RIMS4: variants seen among roughly 807,000 people sequenced by gnomAD.
RIMS4 encodes the protein regulating synaptic membrane exocytosis protein 4.
RIMS4 carries 9 observed loss-of-function variants against 29.0 expected under a neutral mutation model. That is an observed-to-expected ratio of 0.31 (90% confidence interval 0.19 to 0.54). RIMS4 has a LOEUF of 0.54. RIMS4 is among the 20% of genes least tolerant of loss of function. The pLI is 0.94. For synonymous variants in RIMS4, 130 were observed against 152.9 expected (o/e 0.85, Z 1.10); for missense variants, 193 against 365.7 (o/e 0.53, Z 3.85).
chr20:44,773,450 G>A (rs2066145597), intron 1 of RIMS4, among the ~76,000 whole-genome samples: 1 of 151,848 alleles, frequency 6.6e-6, no homozygotes, highest in African/African-American at 2.4e-5. Flanking sequence ...CACACACACA[G>A]CACTGTACAT....
At chr20:44,796,004 C>T (rs1048054921) in intron 1 of RIMS4, among the ~76,000 whole-genome samples, 3 of 152,088 alleles carry the variant, frequency 2.0e-5, no homozygotes, top group Non-Finnish European at 2.9e-5. Context: ...GGAGCGGGAG[C>T]GGGAGAGACA....
chr20:44,794,684 T>A (rs2066247091), intron 1 of RIMS4, among the ~76,000 whole-genome samples: 1 of 152,224 alleles, frequency 6.6e-6, no homozygotes, highest in Non-Finnish European at 1.5e-5. Context: ...AAACCGGCAC[T>A]TCCCAGCCTC....
intron 1 of RIMS4, among the ~76,000 whole-genome samples, chr20:44,796,412 A>G (rs1275567778): frequency 1.3e-5 from 2 of 152,144 alleles, no homozygotes; most frequent in Non-Finnish European, 2.9e-5. Flanking sequence ...AGAAGGAAAT[A>G]GAGTGGGGAG....
At chr20:44,765,114 C>G (rs921346866) in intron 2 of RIMS4, among the ~76,000 whole-genome samples, 5 of 152,164 alleles carry the variant, frequency 3.3e-5, no homozygotes, top group Non-Finnish European at 7.4e-5. Flanking sequence ...AACTGAGGCA[C>G]AGAATTGTTA....
intron 2 of RIMS4, among the ~76,000 whole-genome samples, chr20:44,761,524 A>T (rs2066084982): frequency 6.6e-6 from 1 of 152,154 alleles, no homozygotes; most frequent in Non-Finnish European, 1.5e-5. Context: ...ACAAACTGGG[A>T]GTCTGCAGGG....
At position 44,756,931 on chromosome 20, in the gene RIMS4, C is replaced by G. The variant is rs1278466295; in HGVS notation, c.558G>C (p.Leu186=). The G allele has an allele frequency of 1.2e-6, 2 of 1,613,988 alleles. No individual in the cohort carries two copies. The highest frequency in any genetic ancestry group is 1.7e-6 in the Non-Finnish European group (2 of 1,179,994). Residue 186 remains leucine (L), a synonymous_variant, in exon 5 of 6, where the codon CTG becomes CTC. Transcript: ENST00000372851. This position sits in a 1 kb window ranked among gnomAD's most constrained non-coding sequence, Gnocchi z 5.9. The part of the protein sequence containing the change: ...SLDPLYNQVL[L]FPESPQGKVL... ...CTTTGCCCTGGGGACTCTCAGGAAACAGCAGCACCTGGTTATACAGTGGGT... is the reference window on the plus strand; with the variant it reads ...CTTTGCCCTGGGGACTCTCAGGAAAGAGCAGCACCTGGTTATACAGTGGGT...
intron 1 of RIMS4, among the ~76,000 whole-genome samples, chr20:44,779,179 C>T (rs1365842665): frequency 6.6e-6 from 1 of 152,220 alleles, no homozygotes; most frequent in Non-Finnish European, 1.5e-5. Context: ...TACCCATCAT[C>T]CTGCATACAA....
rs144809974 is a variant in RIMS4 at position 44,803,977 on chromosome 20, G to C, written c.97+6198C>G. On this transcript the variant is annotated intron_variant, in intron 1 of 5. Coordinates refer to ENST00000372851, the MANE Select transcript of RIMS4 (RefSeq NM_182970.4). ...GCCTTTGTCACCTGCTGTTCTGACA[G>C]CACAAGCACAGCCCCAGGAGCTTAC... 4.6e-5 allele frequency among the ~76,000 whole-genome samples: 7 copies of C among 152,348 alleles called. No individual in the cohort carries two copies. The East Asian group carries it at 1.3e-3, about 29-fold the overall frequency.
chr20:44,762,515 TG>T (rs999343124), intron 2 of RIMS4, among the ~76,000 whole-genome samples: 1 of 152,198 alleles, frequency 6.6e-6, no homozygotes. Context: ...CTCTGCAGCC[TG>T]AAATTGAAAG....
chr20:44,795,883 C>T (rs1041958276), intron 1 of RIMS4, among the ~76,000 whole-genome samples: 7 of 152,054 alleles, frequency 4.6e-5, no homozygotes, highest in Non-Finnish European at 1.0e-4. Flanking sequence ...CATGATATGC[C>T]CATTGTAGAA....
intron 2 of RIMS4, 82 bp downstream of exon 2, chr20:44,771,193 T>G (rs2066135716): frequency 6.7e-7 from 1 of 1,503,158 alleles, no homozygotes; most frequent in African/African-American, 1.4e-5. Flanking sequence ...GCCCTAGGGC[T>G]CCCAGAGGGG....
chr20:44,772,749 A>G (rs1232668705), intron 1 of RIMS4, among the ~76,000 whole-genome samples: 2 of 152,138 alleles, frequency 1.3e-5, no homozygotes, highest in Non-Finnish European at 2.9e-5. Context: ...GGATCCTTCA[A>G]TGCTTGCTGA....
In RIMS4 at chr20:44,756,790, C is replaced by T. The variant is rs184406964; in HGVS notation, c.591+108G>A. Reference sequence around the variant, plus strand: ...GAGGGCCTCGCCTGTTTCCTCCAGGCGAGGCCCTCCAGAGACACCCCCCGC... The same window carrying T: ...GAGGGCCTCGCCTGTTTCCTCCAGGTGAGGCCCTCCAGAGACACCCCCCGC... On this transcript the variant is annotated intron_variant, in intron 5 of 5. Coordinates refer to ENST00000372851, the MANE Select transcript of RIMS4 (RefSeq NM_182970.4). The surrounding 1 kb of genome is among the most constrained non-coding windows in gnomAD (Gnocchi z 5.9). The T allele has an allele frequency of 1.2e-5, 13 of 1,102,480 alleles. No individual in the cohort carries two copies. Among genetic ancestry groups the T allele is most frequent in the African/African-American group, 1.6e-5 (1 of 63,570 alleles). 68.3% of individuals were successfully genotyped at this position (1,102,480 alleles called of 1,614,324 possible).
intron 2 of RIMS4, among the ~76,000 whole-genome samples, chr20:44,760,964 A>G (rs2066082189): frequency 6.6e-6 from 1 of 152,186 alleles, no homozygotes; most frequent in Non-Finnish European, 1.5e-5. Flanking sequence ...TGTGATCAGT[A>G]GCTGTGACTT....
At position 44,758,060 on chromosome 20, in the gene RIMS4, T is replaced by C; in HGVS notation, c.349+12A>G. On this transcript the variant is annotated intron_variant, in intron 3 of 5. Transcript: ENST00000372851. The stretch of plus-strand genomic sequence containing the variant: ...CCCCTAGTCCATTTGAAACCAGCCT[T>C]GGGGCACTCACCCATGGGTGTGGTG... 1 of 1,582,690 alleles carries C rather than the reference T, an allele frequency of 6.3e-7. No individual in the cohort carries two copies. Among genetic ancestry groups the C allele is most frequent in the East Asian group, 2.2e-5 (1 of 44,592 alleles).
At chr20:44,780,067 T>A (rs960754575) in intron 1 of RIMS4, among the ~76,000 whole-genome samples, 1 of 152,108 alleles carries the variant, frequency 6.6e-6, no homozygotes, top group African/African-American at 2.4e-5. Context: ...TGTAATACAG[T>A]TGACATTCAA....
At position 44,798,449 on chromosome 20, in the gene RIMS4, G is replaced by A. The variant is rs138787896; in HGVS notation, c.97+11726C>T. Among the ~76,000 whole-genome samples, 622 of 152,248 alleles carry A rather than the reference G, an allele frequency of 4.1e-3. 2 individuals are homozygous for A. The highest frequency in any genetic ancestry group is 0.014 in the African/African-American group (590 of 41,556). ...CTTGTGGAGGGTGACCTGAAACGAGGGTTGGACACTGCTGAGCACAGAGCT... is the reference window on the plus strand; with the variant it reads ...CTTGTGGAGGGTGACCTGAAACGAGAGTTGGACACTGCTGAGCACAGAGCT... On this transcript the variant is annotated intron_variant, in intron 1 of 5. Coordinates refer to ENST00000372851, the MANE Select transcript of RIMS4 (RefSeq NM_182970.4).
chr20:44,792,503 G>A (rs1452164398), intron 1 of RIMS4, among the ~76,000 whole-genome samples: 1 of 151,956 alleles, frequency 6.6e-6, no homozygotes, highest in East Asian at 1.9e-4. Context: ...TGTTGGTCAG[G>A]CTGGTCTTGA....
At chr20:44,766,318 C>A (rs1439774500) in intron 2 of RIMS4, among the ~76,000 whole-genome samples, 2 of 152,022 alleles carry the variant, frequency 1.3e-5, no homozygotes, top group African/African-American at 4.8e-5. Flanking sequence ...CAGCTGAGGT[C>A]TGGAGAAGGA....
Sources: allele counts gnomAD v4.1 joint callset (sites outside exome capture counted in the v4.1 genomes callset), GRCh38; gene constraint gnomAD v4.1.1; non-coding constraint Gnocchi (gnomAD v3.1); transcripts MANE v1.5; gene names NCBI Gene and HGNC (gene_info 2026-07-23, HGNC 2026-07-21).